The following RBM38 variants were observed in gnomAD, a reference collection of about 807,000 sequenced individuals.
RBM38 encodes RNA-binding protein 38.
RBM38 carries 11 observed loss-of-function variants against 23.5 expected under a neutral mutation model. That is an observed-to-expected ratio of 0.47 (90% CI 0.29 to 0.77). RBM38 has a LOEUF of 0.77. Ranked by LOEUF, RBM38 falls within the 30% of genes least tolerant of loss-of-function variation. The pLI is 0.08. For synonymous variants in RBM38, 165 were observed against 166.1 expected (o/e 0.99, Z 0.05); for missense variants, 330 against 351.9 (o/e 0.94, Z 0.50).
chr20:57,405,143 C>T (rs191722495), intron 3 of RBM38, among the ~76,000 whole-genome samples: 144 of 152,322 alleles, frequency 9.5e-4, no homozygotes, highest in Middle Eastern at 3.4e-3. Flanking sequence ...CCTGGCCTTT[C>T]CCCCATCGCT....
chr20:57,397,590 A>T (rs2067287418), intron 3 of RBM38, among the ~76,000 whole-genome samples: 1 of 152,216 alleles, frequency 6.6e-6, no homozygotes, highest in South Asian at 2.1e-4. Flanking sequence ...GTGTGTGCAC[A>T]CCACGGGGCC....
At chr20:57,402,761 G>A (rs551454728) in intron 3 of RBM38, among the ~76,000 whole-genome samples, 34 of 152,262 alleles carry the variant, frequency 2.2e-4, no homozygotes, top group Non-Finnish European at 4.8e-4. Context: ...CGGTGGTTTG[G>A]CTGCATTTTT....
Position 57,408,199 on chromosome 20 carries a change from G to A in RBM38, c.*353G>A, listed in dbSNP as rs1433829561. 2 of 390,590 alleles carry A rather than the reference G, an allele frequency of 5.1e-6. No homozygotes were observed. The highest frequency in any genetic ancestry group is 9.7e-6 in the Non-Finnish European group (2 of 206,638). 24.2% of individuals were successfully genotyped at this position (390,590 alleles called of 1,614,324 possible). ...GTGTCCCCACTGCTGCATCGTGGCG[G>A]GGTGTCACAGACCCTCTGCAGCCCC... On this transcript the variant is annotated 3_prime_UTR_variant, in exon 4 of 4. Coordinates refer to ENST00000356208, the MANE Select transcript of RBM38 (RefSeq NM_017495.6).
Position 57,407,955 on chromosome 20 carries a change from C to G in RBM38, c.*109C>G, listed in dbSNP as rs55692124. On this transcript the variant is annotated 3_prime_UTR_variant, in exon 4 of 4. Transcript: ENST00000356208. This position sits in a 1 kb window ranked among gnomAD's most constrained non-coding sequence, Gnocchi z 4.0. ...CGGCTGAGCTTCAGTGAGGTGCCAC[C>G]AGCACCCGTGCCTCCGAAGACCGCT... 7.3e-7 allele frequency: 1 copy of G among 1,374,276 alleles called. No homozygotes were observed. The highest frequency in any genetic ancestry group is 1.4e-5 in the African/African-American group (1 of 69,284). 85.1% of individuals were successfully genotyped at this position (1,374,276 alleles called of 1,614,324 possible). A position where few individuals can be genotyped will look rare whatever the true frequency, so the allele number is the denominator to read the frequency against.
At chr20:57,399,170 G>C (rs998421904) in intron 3 of RBM38, among the ~76,000 whole-genome samples, 1 of 152,212 alleles carries the variant, frequency 6.6e-6, no homozygotes, top group African/African-American at 2.4e-5. Flanking sequence ...CTCAGGGCCC[G>C]ACAGGGTAGC....
intron 3 of RBM38, among the ~76,000 whole-genome samples, chr20:57,405,948 C>T (rs2067378991): frequency 1.3e-5 from 2 of 152,224 alleles, no homozygotes; most frequent in African/African-American, 4.8e-5. Context: ...CAGGAGAATG[C>T]AGGGAAGGAT....
chr20:57,405,764 C>T (rs1350877256), intron 3 of RBM38, among the ~76,000 whole-genome samples: 2 of 150,940 alleles, frequency 1.3e-5, no homozygotes, highest in Non-Finnish European at 3.0e-5. Flanking sequence ...GGGGAGGGAG[C>T]TCGCAGGGCT....
At chr20:57,400,227 C>G (rs1249459742) in intron 3 of RBM38, among the ~76,000 whole-genome samples, 3 of 152,172 alleles carry the variant, frequency 2.0e-5, no homozygotes, top group African/African-American at 7.2e-5. Flanking sequence ...TCTTCCTGCC[C>G]TTGGACCCCT....
At chr20:57,404,745 C>T (rs1018864871) in intron 3 of RBM38, among the ~76,000 whole-genome samples, 8 of 152,258 alleles carry the variant, frequency 5.3e-5, no homozygotes, top group African/African-American at 1.9e-4. Flanking sequence ...AGAACGCCAT[C>T]CAGTGGGGCA....
rs767638060 is a variant in RBM38 at position 57,407,656 on chromosome 20, C to A, written c.530C>A (p.Pro177Gln). The A allele has an allele frequency of 1.9e-5, 31 of 1,613,266 alleles. No individual in the cohort carries two copies. The highest frequency in any genetic ancestry group is 2.1e-5 in the Non-Finnish European group (25 of 1,179,846). Residue 177 changes from proline (P) to glutamine (Q), a missense_variant, in exon 4 of 4, where the codon CCG becomes CAG. Physicochemically the swap from Pro to Gln is moderately conservative, Grantham distance 76. Transcript: ENST00000356208. The surrounding 1 kb of genome is among the most constrained non-coding windows in gnomAD (Gnocchi z 4.0). ...TACATTGAGTACACGCCGGCCAGCCCGGCCTACGCCCAGTACCCACCGGCC... is the reference window on the plus strand; with the variant it reads ...TACATTGAGTACACGCCGGCCAGCCAGGCCTACGCCCAGTACCCACCGGCC... ...SPYIEYTPAS[P>Q]AYAQYPPATY...
At chr20:57,392,319 T>C (rs1045857585) in intron 1 of RBM38, 1 of 928,462 alleles carries the variant, frequency 1.1e-6, no homozygotes, top group East Asian at 3.6e-5. Flanking sequence ...CAGAGGAAAG[T>C]CTCGGCCCTC....
intron 3 of RBM38, chr20:57,400,026 C>A (rs2067311856): frequency 2.2e-6 from 1 of 455,752 alleles, no homozygotes; most frequent in Non-Finnish European, 4.4e-6. Context: ...GTCCCCAGCA[C>A]CATCTGTACT....
rs192529614 is a variant in RBM38 at position 57,402,626 on chromosome 20, C to T, written c.417-4917C>T. Among the ~76,000 whole-genome samples the T allele has an allele frequency of 1.5e-4, 23 of 152,372 alleles. No individual in the cohort carries two copies. The East Asian group carries it at 4.2e-3, about 28-fold the overall frequency. ...GCAGAGGCTGTGGCACCTGAGCTTT[C>T]TGAGCATGGCGTGTGAGTGGGGATG... is the stretch of plus-strand genomic sequence containing the variant. On this transcript the variant is annotated intron_variant, in intron 3 of 3. Coordinates refer to ENST00000356208, the MANE Select transcript of RBM38 (RefSeq NM_017495.6).
At chr20:57,397,224 G>A (rs1568808003) in intron 3 of RBM38, among the ~76,000 whole-genome samples, 2 of 152,254 alleles carry the variant, frequency 1.3e-5, no homozygotes, top group Non-Finnish European at 2.9e-5. Flanking sequence ...TGTCAGTGAC[G>A]CATCTCTTGC....
intron 3 of RBM38, chr20:57,400,044 C>T: frequency 2.2e-6 from 1 of 452,782 alleles, no homozygotes; most frequent in South Asian, 1.6e-5. Context: ...ACTTCTCTCT[C>T]CCGCCCACCA....
chr20:57,399,791 G>A (rs1019943350), intron 3 of RBM38: 25 of 435,134 alleles, frequency 5.7e-5, no homozygotes, highest in African/African-American at 2.8e-4. Flanking sequence ...CAGGCGCCTC[G>A]GGGACCTTCC....
chr20:57,404,029 C>T (rs1319813954), intron 3 of RBM38, among the ~76,000 whole-genome samples: 2 of 152,248 alleles, frequency 1.3e-5, no homozygotes, highest in African/African-American at 2.4e-5. Flanking sequence ...AGGAGAGCCC[C>T]GCCTTCCTCC....
chr20:57,401,799 A>C, intron 3 of RBM38, among the ~76,000 whole-genome samples: 1 of 152,086 alleles, frequency 6.6e-6, no homozygotes, highest in East Asian at 1.9e-4. Context: ...GTGGCCAGGG[A>C]GGGCGCAGTG....
At chr20:57,403,543 C>G (rs1441837664) in intron 3 of RBM38, among the ~76,000 whole-genome samples, 1 of 152,248 alleles carries the variant, frequency 6.6e-6, no homozygotes, top group Non-Finnish European at 1.5e-5. Context: ...GTCCCTTGCT[C>G]TGCGATGGGG....
Sources: allele counts gnomAD v4.1 joint callset (sites outside exome capture counted in the v4.1 genomes callset), GRCh38; gene constraint gnomAD v4.1.1; non-coding constraint Gnocchi (gnomAD v3.1); transcripts MANE v1.5; gene names NCBI Gene and HGNC (gene_info 2026-07-23, HGNC 2026-07-21).